Variants in CLVS1 observed in about 807,000 individuals in gnomAD.
CLVS1 encodes clavesin-1.
Under a neutral mutation model 33.1 loss-of-function variants are expected in CLVS1, and 10 were observed. That is an observed-to-expected ratio of 0.30 (90% CI 0.19 to 0.51). The LOEUF is 0.51. CLVS1 is among the 20% of genes least tolerant of loss of function. The probability of loss-of-function intolerance (pLI) is 0.97; values close to 1 mark genes in which losing one functional copy is unlikely to be tolerated. For missense variants in CLVS1, 343 were observed against 433.4 expected (o/e 0.79, Z 1.85); for synonymous variants, 163 against 166.1 (o/e 0.98, Z 0.14).
At chr8:61,148,282 G>A (rs1806457644) in intron 2 of CLVS1, among the ~76,000 whole-genome samples, 1 of 152,204 alleles carries the variant, frequency 6.6e-6, no homozygotes, top group Admixed American at 6.5e-5. Context: ...TCCCAGCCTG[G>A]GAGATGCTTT....
chr8:61,394,712 C>A (rs540130583), intron 3 of CLVS1, among the ~76,000 whole-genome samples: 1 of 152,316 alleles, frequency 6.6e-6, no homozygotes, highest in East Asian at 1.9e-4. Flanking sequence ...TATGTCCAAG[C>A]AGCCAGCATG....
chr8:61,131,164 A>G (rs1232423585), intron 1 of CLVS1, among the ~76,000 whole-genome samples: 1 of 152,208 alleles, frequency 6.6e-6, no homozygotes, highest in African/African-American at 2.4e-5. Flanking sequence ...ACTCTTCCCT[A>G]TGCCCTGGGT....
rs181082697 is a variant in CLVS1, at chr8:61,193,906, C to T, written c.-152+62046C>T. Among the ~76,000 whole-genome samples the T allele has an allele frequency of 1.0e-3, 156 of 152,042 alleles. 3 individuals carry two copies. Among genetic ancestry groups the T allele is most frequent in the Middle Eastern group, 3.4e-3 (1 of 294 alleles). Reference sequence around the variant, plus strand: ...CTTGAGGGATTAAAACGATAAAACACGTATCAGTAGCATATAAATTGGAAC... The same window carrying T: ...CTTGAGGGATTAAAACGATAAAACATGTATCAGTAGCATATAAATTGGAAC... On this transcript the variant is annotated intron_variant, in intron 2 of 2. Coordinates refer to the CLVS1 transcript ENST00000522621.
chr8:61,349,130 G>C (rs943485466), intron 2 of CLVS1, among the ~76,000 whole-genome samples: 1 of 152,042 alleles, frequency 6.6e-6, no homozygotes, highest in African/African-American at 2.4e-5. Flanking sequence ...TTTGTTAGAT[G>C]TATGGTTTGC....
chr8:61,184,675 C>T (rs1807307823), intron 2 of CLVS1, among the ~76,000 whole-genome samples: 1 of 152,078 alleles, frequency 6.6e-6, no homozygotes, highest in Non-Finnish European at 1.5e-5. Context: ...CCCTGCACCC[C>T]ACCATCCCAC....
At chr8:61,330,919 A>G (rs927722192) in intron 2 of CLVS1, among the ~76,000 whole-genome samples, 11 of 149,094 alleles carry the variant, frequency 7.4e-5, no homozygotes, top group Non-Finnish European at 1.5e-4. Flanking sequence ...CTGAAGCCCC[A>G]TTTCAAAAAA....
At position 61,375,597 on chromosome 8, in the gene CLVS1, T is replaced by C. The variant is rs186146481; in HGVS notation, c.456-1008T>C. The stretch of plus-strand genomic sequence containing the variant: ...TTTCCTGATTTCTAATCTGGAGTCA[T>C]TGGCTTTGAACCAGATTGGAATGCT... On this transcript the variant is annotated intron_variant, in intron 2 of 5. Transcript: ENST00000325897. Among the ~76,000 whole-genome samples the C allele has an allele frequency of 2.2e-3, 333 of 152,296 alleles. 2 individuals carry two copies. Among genetic ancestry groups the C allele is most frequent in the African/African-American group, 7.9e-3 (327 of 41,556 alleles).
intron 2 of CLVS1, among the ~76,000 whole-genome samples, chr8:61,354,541 C>T (rs1461456410): frequency 6.6e-6 from 1 of 152,052 alleles, no homozygotes; most frequent in Non-Finnish European, 1.5e-5. Flanking sequence ...ATGTTCACAG[C>T]ACCTTTGTTT....
chr8:61,035,584 A>G, the CLVS1 span, among the ~76,000 whole-genome samples: 1 of 152,142 alleles, frequency 6.6e-6, no homozygotes, highest in African/African-American at 2.4e-5. Flanking sequence ...GGATTCAGAG[A>G]GGGGAAAAAG....
At chr8:61,002,220 G>A in the CLVS1 span, among the ~76,000 whole-genome samples, 4 of 151,844 alleles carry the variant, frequency 2.6e-5, no homozygotes, top group African/African-American at 9.7e-5. Flanking sequence ...GGGCTCAAGG[G>A]ATCCTCTCAC....
intron 2 of CLVS1, among the ~76,000 whole-genome samples, chr8:61,173,651 T>C (rs1807054630): frequency 6.6e-6 from 1 of 152,200 alleles, no homozygotes; most frequent in Admixed American, 6.5e-5. Flanking sequence ...CACAGCATAT[T>C]GCCTAGAGAG....
intron 2 of CLVS1, among the ~76,000 whole-genome samples, chr8:61,149,530 C>T (rs531172415): frequency 6.3e-4 from 74 of 117,782 alleles, no homozygotes; most frequent in Admixed American, 2.2e-3. Flanking sequence ...CCAGCCTAGG[C>T]GACAGAACGA....
chr8:60,989,208 TTTGCTCTTG>T, the CLVS1 span, among the ~76,000 whole-genome samples: 1 of 151,996 alleles, frequency 6.6e-6, no homozygotes. Flanking sequence ...GAGATGGAAT[TTTGCTCTTG>T]TTGCCCAGGC....
chr8:61,218,732 C>T (rs1000879788), intron 2 of CLVS1, among the ~76,000 whole-genome samples: 8 of 146,352 alleles, frequency 5.5e-5, no homozygotes, highest in African/African-American at 1.5e-4. Context: ...GTCAGGAGTT[C>T]GAGACCAGCC....
intron 2 of CLVS1, among the ~76,000 whole-genome samples, chr8:61,183,287 A>T (rs965565206): frequency 1.3e-5 from 2 of 152,220 alleles, no homozygotes; most frequent in African/African-American, 4.8e-5. Flanking sequence ...ACAAACCTGC[A>T]TGTGCTGCAC....
intron 2 of CLVS1, among the ~76,000 whole-genome samples, chr8:61,348,978 G>A (rs1191687245): frequency 6.6e-6 from 1 of 152,090 alleles, no homozygotes; most frequent in East Asian, 1.9e-4. Context: ...GATTAGTGAT[G>A]TTGAGCACCT....
At chr8:61,070,451 C>A (rs535163641) in intron 1 of CLVS1, among the ~76,000 whole-genome samples, 85 of 152,304 alleles carry the variant, frequency 5.6e-4, no homozygotes, top group African/African-American at 1.8e-3. Context: ...TGACATTTTT[C>A]AATAAAGCAG....
intron 1 of CLVS1, among the ~76,000 whole-genome samples, chr8:61,090,042 G>A (rs1231222485): frequency 6.6e-6 from 1 of 152,208 alleles, no homozygotes; most frequent in Non-Finnish European, 1.5e-5. Flanking sequence ...GCTGTTATTT[G>A]AGCAGCCCCC....
intron 2 of CLVS1, among the ~76,000 whole-genome samples, chr8:61,253,058 C>T (rs1048718834): frequency 3.3e-5 from 5 of 152,156 alleles, no homozygotes; most frequent in African/African-American, 9.7e-5. Context: ...GTGGCTGGTA[C>T]TGGTTTTTCC....
Sources: gnomAD v4.1 joint callset for allele counts (sites outside exome capture counted in the v4.1 genomes callset) on GRCh38, gnomAD v4.1.1 for gene constraint, MANE v1.5 for transcripts, NCBI Gene and HGNC (gene_info 2026-07-23, HGNC 2026-07-21) for gene names.